Variants in COG2 observed in about 807,000 individuals in gnomAD.
COG2 encodes conserved oligomeric Golgi complex subunit 2.
A neutral mutation model predicts 90.6 loss-of-function variants in COG2; 52 were observed. That is an observed-to-expected ratio of 0.57 (90% CI 0.46 to 0.72). The LOEUF (loss-of-function observed/expected upper bound fraction) is 0.72. Ranked by LOEUF, COG2 falls within the 30% of genes least tolerant of loss-of-function variation. The pLI, the probability that COG2 is intolerant of heterozygous loss-of-function variation, is 0.00. For synonymous variants in COG2, 337 were observed against 320.4 expected (o/e 1.05, Z -0.55); for missense variants, 829 against 891.2 (o/e 0.93, Z 0.89).
At chr1:230,667,752 G>A (rs1354742673) in intron 5 of COG2, among the ~76,000 whole-genome samples, 1 of 152,164 alleles carries the variant, frequency 6.6e-6, no homozygotes, top group Non-Finnish European at 1.5e-5. Flanking sequence ...GACCACTGAT[G>A]GTCTCAGTGC....
At chr1:230,654,102 G>A (rs1247555922) in intron 1 of COG2, among the ~76,000 whole-genome samples, 1 of 152,184 alleles carries the variant, frequency 6.6e-6, no homozygotes, top group African/African-American at 2.4e-5. Context: ...CTTTTGCTGT[G>A]CAGAAGCTCT....
intron 1 of COG2, among the ~76,000 whole-genome samples, chr1:230,643,743 C>A (rs1187854961): frequency 2.6e-5 from 4 of 152,076 alleles, no homozygotes; most frequent in East Asian, 3.9e-4. Flanking sequence ...GAATAATGTA[C>A]CTTATTCTTG....
intron 4 of COG2, among the ~76,000 whole-genome samples, chr1:230,664,264 T>A (rs1161423112): frequency 6.6e-6 from 1 of 152,054 alleles, no homozygotes; most frequent in Non-Finnish European, 1.5e-5. Flanking sequence ...TTTTAAAAAT[T>A]CTGAAATTGT....
intron 12 of COG2, among the ~76,000 whole-genome samples, 166 bp from the exon 13 acceptor site, chr1:230,686,769 C>T (rs1662893405): frequency 6.6e-6 from 1 of 152,142 alleles, no homozygotes; most frequent in Non-Finnish European, 1.5e-5. Context: ...TGCTTCACTC[C>T]TTCCTGTAGA....
chr1:230,664,629 C>A, intron 5 of COG2, 42 bp downstream of exon 5: 2 of 1,016,230 alleles, frequency 2.0e-6, no homozygotes, highest in Non-Finnish European at 2.9e-6. Context: ...TAATACTTCA[C>A]ATCCAGAGTA....
chr1:230,674,999 GA>G lies in COG2; in HGVS notation c.906del (p.Gly303AlafsTer11), dbSNP rs779434837. ...CTGATATGTGCCCTTATTTTACAGT[GA>G]AAAAGGCAATACTGTTCCTGGATAT... ...REVTGGAISS[E>X]KGNTVPGYDF... On this transcript the variant is annotated frameshift_variant and splice_region_variant, in exon 9 of 18. Coordinates refer to ENST00000366669, the MANE Select transcript of COG2 (RefSeq NM_007357.3). LOFTEE classifies it high-confidence loss of function. The G allele has an allele frequency of 6.2e-7, 1 of 1,605,110 alleles. No individual in the cohort carries two copies. Among genetic ancestry groups the G allele is most frequent in the South Asian group, 1.1e-5 (1 of 88,962 alleles).
Position 230,675,109 on chromosome 1 carries a change from C to A in COG2, c.1011C>A (p.Pro337=), listed in dbSNP as rs375093888. The A allele has an allele frequency of 4.3e-6, 7 of 1,610,652 alleles. No individual in the cohort carries two copies. Among genetic ancestry groups the A allele is most frequent in the Non-Finnish European group, 5.1e-6 (6 of 1,178,498 alleles). Residue 337 remains proline, a synonymous_variant, in exon 9 of 18, where the codon CCC becomes CCA. Coordinates refer to ENST00000366669, the MANE Select transcript of COG2 (RefSeq NM_007357.3). ...CCTCGCTTTTTAATCCTGGGAATCCCGATGCATTTCATGAGGTATCTCCCC... is the reference window on the plus strand; with the variant it reads ...CCTCGCTTTTTAATCCTGGGAATCCAGATGCATTTCATGAGGTATCTCCCC... ...KLPSLFNPGN[P]DAFHEKYTIS...
At chr1:230,652,629 G>C (rs1661940437) in intron 1 of COG2, among the ~76,000 whole-genome samples, 1 of 152,140 alleles carries the variant, frequency 6.6e-6, no homozygotes, top group Non-Finnish European at 1.5e-5. Context: ...GTCTTCCAAA[G>C]TGACTTCCAT....
chr1:230,643,380 G>T (rs1201122751), intron 1 of COG2, among the ~76,000 whole-genome samples: 1 of 152,244 alleles, frequency 6.6e-6, no homozygotes, highest in Non-Finnish European at 1.5e-5. Context: ...GCTGGGAGGA[G>T]CTTTGCTCCT....
chr1:230,683,698 C>G, intron 11 of COG2, 63 bp downstream of exon 11: 2 of 1,059,542 alleles, frequency 1.9e-6, no homozygotes, highest in Non-Finnish European at 2.9e-6. Flanking sequence ...TTCACCAAGT[C>G]ATCTGGATTG....
At chr1:230,642,766 C>G (rs1265929156) in intron 1 of COG2, 88 bp downstream of exon 1, 6 of 1,303,614 alleles carry the variant, frequency 4.6e-6, no homozygotes. Flanking sequence ...TCGGCTGCTC[C>G]TGCCTGCGCA....
At chr1:230,666,112 C>T (rs925146960) in intron 5 of COG2, among the ~76,000 whole-genome samples, 4 of 152,118 alleles carry the variant, frequency 2.6e-5, no homozygotes, top group East Asian at 3.8e-4. Context: ...CTGCTGACTG[C>T]GGGGAGTTTA....
At chr1:230,680,695 A>C (rs917259235) in intron 10 of COG2, 4 of 152,244 alleles carry the variant, frequency 2.6e-5, no homozygotes, top group African/African-American at 9.6e-5. Context: ...TGAAATTTTA[A>C]AAAAACACGT....
chr1:230,645,689 A>G (rs1319570481), intron 1 of COG2, among the ~76,000 whole-genome samples: 4 of 152,234 alleles, frequency 2.6e-5, no homozygotes, highest in Admixed American at 2.0e-4. Flanking sequence ...TGAAATAGTT[A>G]TAAAATTCAC....
intron 5 of COG2, 126 bp downstream of exon 5, chr1:230,664,713 A>T (rs1662276271): frequency 3.8e-6 from 2 of 521,692 alleles, no homozygotes; most frequent in Admixed American, 7.6e-5. Context: ...TTTTAAATGT[A>T]GCTCAAGCAA....
chr1:230,662,840 C>T (rs1367112229), intron 3 of COG2, among the ~76,000 whole-genome samples: 1 of 152,178 alleles, frequency 6.6e-6, no homozygotes, highest in African/African-American at 2.4e-5. Flanking sequence ...TCATCTCCCC[C>T]ACCAGACACC....
Position 230,683,516 on chromosome 1 carries a change from A to G in COG2, c.1167-58A>G, listed in dbSNP as rs371950144. 15 of 1,297,104 alleles carry G rather than the reference A, an allele frequency of 1.2e-5. No homozygotes were observed. In the African/African-American group the frequency reaches 2.0e-4, roughly 18 times the overall value. 80.3% of individuals were successfully genotyped at this position (1,297,104 alleles called of 1,614,324 possible). On this transcript the variant is annotated intron_variant, in intron 10 of 17. Transcript: ENST00000366669. ...TACTTAGGAAAAACAGAGAATGGAT[A>G]GGGAAAGGCATCTGTCAGAGTCATA...
chr1:230,686,517 G>A (rs1016342120), intron 12 of COG2, among the ~76,000 whole-genome samples: 1 of 151,950 alleles, frequency 6.6e-6, no homozygotes, highest in African/African-American at 2.4e-5. Context: ...AGAACACTTT[G>A]TTTTTTGTAT....
rs771542526 is a variant in COG2, at chr1:230,669,456, G to A, written c.695G>A (p.Arg232Gln). Residue 232 changes from arginine to glutamine, a missense_variant, in exon 7 of 18, where the codon CGG becomes CAG. Coordinates refer to ENST00000366669, the MANE Select transcript of COG2 (RefSeq NM_007357.3). ...SDVDIIRHCL[R>Q]TYATIDKTRD... ...GTCGATATAATACGGCACTGCTTGCGGACTTACGCCACGATTGACAAGACA... is the reference window on the plus strand; with the variant it reads ...GTCGATATAATACGGCACTGCTTGCAGACTTACGCCACGATTGACAAGACA... The A allele has an allele frequency of 4.3e-5, 69 of 1,613,914 alleles. 2 individuals carry two copies. The Middle Eastern group carries it at 1.6e-3, about 38-fold the overall frequency.
Sources: gnomAD v4.1 joint callset for allele counts (sites outside exome capture counted in the v4.1 genomes callset) on GRCh38, gnomAD v4.1.1 for gene constraint, MANE v1.5 for transcripts, NCBI Gene and HGNC (gene_info 2026-07-23, HGNC 2026-07-21) for gene names.